Variants in SEMA5A observed in about 807,000 individuals in gnomAD.
The protein encoded by SEMA5A is semaphorin 5A.
In SEMA5A, 55 loss-of-function variants were observed where a neutral mutation model predicts 135.5. The observed-to-expected ratio is 0.41, with a 90% CI of 0.33 to 0.51. SEMA5A has a LOEUF of 0.51. SEMA5A is among the 20% of genes least tolerant of loss of function. The pLI, the probability that SEMA5A is intolerant of heterozygous loss-of-function variation, is 0.37. For synonymous variants in SEMA5A, 580 were observed against 546.5 expected, an observed-to-expected ratio of 1.06 and a Z score of -0.85; for missense variants, 1,290 against 1,419.9, an observed-to-expected ratio of 0.91 and a Z score of 1.47.
chr5:9,339,342 G>C (rs936026293), intron 3 of SEMA5A, among the ~76,000 whole-genome samples: 1 of 152,178 alleles, frequency 6.6e-6, no homozygotes, highest in Non-Finnish European at 1.5e-5. Context: ...TGACAGGAAA[G>C]ATGTCCTAGA....
rs936090064 is a variant in SEMA5A, at chr5:9,204,194, AAAC to A, written c.647-1957_647-1955del. 6.6e-6 allele frequency among the ~76,000 whole-genome samples: 1 copy of A among 152,212 alleles called. No homozygotes were observed. Among genetic ancestry groups the A allele is most frequent in the African/African-American group, 2.4e-5 (1 of 41,458 alleles). ...AGAGTTTGGGAATTGTACTAAAAACAAACAACAACAACAAAAACAGCAACAAGC... is the reference window on the plus strand; with the variant it reads ...AGAGTTTGGGAATTGTACTAAAAACAAACAACAACAAAAACAGCAACAAGC... On this transcript the variant is annotated intron_variant, in intron 8 of 22. Coordinates refer to ENST00000382496, the MANE Select transcript of SEMA5A (RefSeq NM_003966.3). The surrounding 1 kb of genome is among the most constrained non-coding windows in gnomAD (Gnocchi z 6.4).
intron 1 of SEMA5A, among the ~76,000 whole-genome samples, chr5:9,508,010 AAAAAAAAG>A (rs1215207765): frequency 1.2e-4 from 6 of 51,816 alleles, no homozygotes; most frequent in African/African-American, 2.9e-4. Context: ...TCTCAAAAAA[AAAAAAAAG>A]AAAAGAAAAA....
intron 8 of SEMA5A, among the ~76,000 whole-genome samples, chr5:9,217,962 T>C (rs1254321504): frequency 6.6e-6 from 1 of 152,104 alleles, no homozygotes; most frequent in Non-Finnish European, 1.5e-5. Context: ...TTCATTCCTA[T>C]CCATATTCTC....
chr5:9,471,820 A>T (rs1759488730), intron 1 of SEMA5A, among the ~76,000 whole-genome samples: 1 of 152,240 alleles, frequency 6.6e-6, no homozygotes, highest in Admixed American at 6.5e-5. Flanking sequence ...TCATTGTTCA[A>T]ATTTAAATGC....
intron 1 of SEMA5A, among the ~76,000 whole-genome samples, chr5:9,446,333 G>A (rs980605164): frequency 6.6e-6 from 1 of 151,960 alleles, no homozygotes; most frequent in African/African-American, 2.4e-5. Context: ...AAAGAGAGGG[G>A]GCAAAAATGA....
intron 1 of SEMA5A, among the ~76,000 whole-genome samples, chr5:9,530,714 A>G (rs1737389979): frequency 6.6e-6 from 1 of 152,164 alleles, no homozygotes; most frequent in South Asian, 2.1e-4. Context: ...TGCACTCAGG[A>G]TGCATCTATA....
At chr5:9,381,132 A>G (rs1755588990) in intron 2 of SEMA5A, among the ~76,000 whole-genome samples, 2 of 152,246 alleles carry the variant, frequency 1.3e-5, no homozygotes, top group Admixed American at 1.3e-4. Flanking sequence ...ACAAGCTACC[A>G]TAGTACATTA....
At chr5:9,511,423 G>A (rs1003218918) in intron 1 of SEMA5A, 6 of 152,126 alleles carry the variant, frequency 3.9e-5, no homozygotes, top group African/African-American at 7.2e-5. Flanking sequence ...AATTCCAACG[G>A]TGAAAACTAT....
At chr5:9,329,760 G>A (rs1024865865) in intron 4 of SEMA5A, among the ~76,000 whole-genome samples, 1 of 152,168 alleles carries the variant, frequency 6.6e-6, no homozygotes, top group African/African-American at 2.4e-5. Context: ...ATTTACGGCT[G>A]TCCCTTGGTA....
intron 1 of SEMA5A, among the ~76,000 whole-genome samples, chr5:9,459,191 T>C (rs1426262937): frequency 1.3e-5 from 2 of 152,202 alleles, no homozygotes; most frequent in African/African-American, 2.4e-5. Context: ...TGAGGGATCG[T>C]AATTTAAACA....
chr5:9,124,028 A>C (rs955935378), intron 13 of SEMA5A, among the ~76,000 whole-genome samples: 3 of 152,196 alleles, frequency 2.0e-5, no homozygotes, highest in Non-Finnish European at 4.4e-5. Context: ...GGATGAAGGC[A>C]GAGGAATGAG....
chr5:9,309,654 A>C (rs1752032729), intron 5 of SEMA5A, among the ~76,000 whole-genome samples: 1 of 152,024 alleles, frequency 6.6e-6, no homozygotes, highest in South Asian at 2.1e-4. Flanking sequence ...CACTGGACTC[A>C]CTTGCGAGGG....
intron 2 of SEMA5A, among the ~76,000 whole-genome samples, chr5:9,385,806 T>TA (rs941457944): frequency 5.4e-5 from 8 of 149,148 alleles, no homozygotes; most frequent in Admixed American, 5.3e-4. Flanking sequence ...TTTTTTTTTT[T>TA]TTTTTTTTGA....
Position 9,040,734 on chromosome 5 carries a change from G to A in SEMA5A, c.*2163C>T, listed in dbSNP as rs1022184372. 2 of 152,124 alleles carry A rather than the reference G, an allele frequency of 1.3e-5. No homozygotes were observed. The highest frequency in any genetic ancestry group is 2.4e-5 in the African/African-American group (1 of 41,438). 9.4% of individuals were successfully genotyped at this position (152,124 alleles called of 1,614,324 possible). Reference sequence around the variant, plus strand: ...AAAAGACTCATTAAAGACCAGCTTCGATGCCATTTAGAAACCATTTCCCAT... The same window carrying A: ...AAAAGACTCATTAAAGACCAGCTTCAATGCCATTTAGAAACCATTTCCCAT... On this transcript the variant is annotated 3_prime_UTR_variant, in exon 23 of 23. Coordinates refer to ENST00000382496, the MANE Select transcript of SEMA5A (RefSeq NM_003966.3).
chr5:9,150,594 T>C (rs1329097256), intron 12 of SEMA5A, among the ~76,000 whole-genome samples: 1 of 152,198 alleles, frequency 6.6e-6, no homozygotes, highest in African/African-American at 2.4e-5. Flanking sequence ...AACAGTGCTA[T>C]GTTCTGATCA....
intron 2 of SEMA5A, among the ~76,000 whole-genome samples, chr5:9,425,548 C>T (rs1054334692): frequency 1.3e-5 from 2 of 152,212 alleles, no homozygotes; most frequent in African/African-American, 4.8e-5. Context: ...ACCCCATGTA[C>T]AGGAAGAGAT....
chr5:9,417,470 T>C (rs1204537853), intron 2 of SEMA5A, among the ~76,000 whole-genome samples: 1 of 152,252 alleles, frequency 6.6e-6, no homozygotes, highest in Non-Finnish European at 1.5e-5. Flanking sequence ...TATCTTTTGA[T>C]AGTGAATAGA....
intron 1 of SEMA5A, among the ~76,000 whole-genome samples, chr5:9,509,330 A>G (rs1318055443): frequency 2.6e-5 from 4 of 152,076 alleles, no homozygotes; most frequent in Admixed American, 2.6e-4. Flanking sequence ...GCTGGAGTGC[A>G]ATGGCATGAT....
At chr5:9,186,840 G>A (rs1744835104) in intron 11 of SEMA5A, among the ~76,000 whole-genome samples, 1 of 152,068 alleles carries the variant, frequency 6.6e-6, no homozygotes, top group Admixed American at 6.6e-5. Flanking sequence ...AATTATTCTA[G>A]ATTTTTTTCA....
Sources: allele counts gnomAD v4.1 joint callset (sites outside exome capture counted in the v4.1 genomes callset), GRCh38; gene constraint gnomAD v4.1.1; non-coding constraint Gnocchi (gnomAD v3.1); transcripts MANE v1.5; gene names NCBI Gene and HGNC (gene_info 2026-07-23, HGNC 2026-07-21).